Variants in R3HDM1 observed in about 807,000 individuals in gnomAD.
The protein encoded by R3HDM1 is R3H domain-containing protein 1.
R3HDM1 carries 46 observed loss-of-function variants against 141.1 expected under a neutral mutation model. The ratio of observed to expected loss-of-function variants is 0.33; its 90% CI spans 0.26 to 0.42. The LOEUF (loss-of-function observed/expected upper bound fraction) is 0.42, where lower values mean the gene tolerates loss of function less well. Ranked by LOEUF, R3HDM1 falls within the 10% of genes least tolerant of loss-of-function variation. The probability of loss-of-function intolerance (pLI) is 1.00; values close to 1 mark genes in which losing one functional copy is unlikely to be tolerated. For synonymous variants in R3HDM1, 435 were observed against 472.9 expected, an observed-to-expected ratio of 0.92 and a Z score of 1.04; for missense variants, 1,184 against 1,368.3, an observed-to-expected ratio of 0.87 and a Z score of 2.12.
chr2:135,573,175 C>T (rs1170618796), intron 1 of R3HDM1, among the ~76,000 whole-genome samples: 1 of 152,034 alleles, frequency 6.6e-6, no homozygotes, highest in East Asian at 1.9e-4. Context: ...TAAGCTGTTA[C>T]CAAAAGAAAA....
intron 1 of R3HDM1, among the ~76,000 whole-genome samples, chr2:135,547,875 G>A (rs1401420986): frequency 6.8e-6 from 1 of 147,398 alleles, no homozygotes; most frequent in African/African-American, 2.5e-5. Context: ...CCAGGTTCAA[G>A]TGATTCTCCT....
Position 135,704,929 on chromosome 2 carries a change from G to A in R3HDM1, c.2460-4504G>A, listed in dbSNP as rs138133202. On this transcript the variant is annotated intron_variant, in intron 21 of 26. Transcript: ENST00000683871. ...TACCCTATTGCAGAACATTTAGGTC[G>A]TATCTTTTTACTTTATTGAACCATC... is the stretch of plus-strand genomic sequence containing the variant. 6.4e-3 allele frequency among the ~76,000 whole-genome samples: 971 copies of A among 152,070 alleles called. 5 individuals are homozygous for A. The highest frequency in any genetic ancestry group is 0.01 in the South Asian group (50 of 4,816).
intron 21 of R3HDM1, among the ~76,000 whole-genome samples, chr2:135,708,905 A>T (rs1347437209): frequency 6.8e-6 from 1 of 146,080 alleles, no homozygotes; most frequent in Non-Finnish European, 1.5e-5. Context: ...GTTGCAGTGA[A>T]CTGAGATCGT....
At chr2:135,595,430 CACT>C (rs1489158079) in intron 1 of R3HDM1, among the ~76,000 whole-genome samples, 1 of 152,196 alleles carries the variant, frequency 6.6e-6, no homozygotes, top group Admixed American at 6.5e-5. Context: ...CTGGAGCCAA[CACT>C]ACCTGAGTTC....
intron 1 of R3HDM1, among the ~76,000 whole-genome samples, chr2:135,533,793 C>T (rs1042932767): frequency 1.3e-5 from 2 of 152,106 alleles, no homozygotes; most frequent in South Asian, 2.1e-4. Flanking sequence ...ACAGGAGAAT[C>T]GCTTGAACCT....
intron 1 of R3HDM1, among the ~76,000 whole-genome samples, chr2:135,580,185 A>T (rs1706469850): frequency 6.6e-6 from 1 of 152,184 alleles, no homozygotes; most frequent in Non-Finnish European, 1.5e-5. Context: ...CAGGAGGTGG[A>T]GGTTGCAGTG....
chr2:135,648,145 T>G (rs1235158134), intron 16 of R3HDM1, among the ~76,000 whole-genome samples: 3 of 152,210 alleles, frequency 2.0e-5, no homozygotes, highest in Non-Finnish European at 2.9e-5. Flanking sequence ...ATATGTACTA[T>G]CATCTGTTAG....
At position 135,541,866 on chromosome 2, in the gene R3HDM1, AAAAAAG is replaced by A. The variant is rs1370963749; in HGVS notation, c.-250+10237_-250+10242del. Among the ~76,000 whole-genome samples the A allele has an allele frequency of 7.0e-3, 1,055 of 150,170 alleles. 10 individuals carry two copies. Among genetic ancestry groups the A allele is most frequent in the African/African-American group, 0.024 (983 of 40,626 alleles). Reference sequence around the variant, plus strand: ...TTCAATTTGTTAAAAAAAAAAAAAAAAAAAAGAAAGAAAGAAAGAGAAAAGCAATGT... The same window carrying A: ...TTCAATTTGTTAAAAAAAAAAAAAAAAAAGAAAGAAAGAGAAAAGCAATGT... On this transcript the variant is annotated intron_variant, in intron 1 of 26. Coordinates refer to ENST00000683871, the MANE Select transcript of R3HDM1 (RefSeq NM_001378107.1).
At chr2:135,665,699 T>C (rs551027183) in intron 19 of R3HDM1, among the ~76,000 whole-genome samples, 29 of 152,356 alleles carry the variant, frequency 1.9e-4, no homozygotes, top group African/African-American at 5.8e-4. Context: ...AAAGTAGATT[T>C]GGATGACAAA....
At chr2:135,635,264 C>G (rs762444261) in intron 9 of R3HDM1, among the ~76,000 whole-genome samples, 12 of 152,120 alleles carry the variant, frequency 7.9e-5, no homozygotes, top group Admixed American at 3.9e-4. Context: ...AAACTAGGTA[C>G]CATAGGAGTA....
At chr2:135,698,130 G>A (rs934827692) in intron 21 of R3HDM1, among the ~76,000 whole-genome samples, 10 of 150,272 alleles carry the variant, frequency 6.7e-5, no homozygotes, top group East Asian at 2.0e-4. Flanking sequence ...TGCATGAGAC[G>A]GGAAGGCAGG....
chr2:135,640,964 T>G (rs1041957276), intron 14 of R3HDM1, among the ~76,000 whole-genome samples: 1 of 152,220 alleles, frequency 6.6e-6, no homozygotes, highest in Non-Finnish European at 1.5e-5. Context: ...GTCCCTTGAT[T>G]AGATAAAATA....
intron 19 of R3HDM1, among the ~76,000 whole-genome samples, chr2:135,674,537 A>G (rs1463372679): frequency 6.6e-6 from 1 of 152,196 alleles, no homozygotes; most frequent in Non-Finnish European, 1.5e-5. Flanking sequence ...GGATCAGGAG[A>G]CAAAATACAA....
rs762563142 is a variant in R3HDM1, at chr2:135,680,324, G to A, written c.2459G>A (p.Ser820Asn). The change falls in exon 21 of 27, where the codon AGC becomes AAC. Residue 820 changes from serine (S) to asparagine (N), a missense_variant and splice_region_variant. Ser to Asn is a conservative substitution (Grantham distance 46). This residue lies in a region of R3HDM1 where 563 missense variants were observed against 562.0 expected (regional missense o/e 1.00). Coordinates refer to ENST00000683871, the MANE Select transcript of R3HDM1 (RefSeq NM_001378107.1). ...CCACCTGGTCAACAAAACAATTTAA[G>A]GTGAGTATGACTGAGTAACCTAATC... ...VIPPGQQNNL[S>N]SSVGYLQHPG... The A allele has an allele frequency of 6.2e-7, 1 of 1,613,744 alleles. No individual in the cohort carries two copies. The highest frequency in any genetic ancestry group is 8.5e-7 in the Non-Finnish European group (1 of 1,179,794).
At chr2:135,570,904 G>A (rs1414654633) in intron 1 of R3HDM1, among the ~76,000 whole-genome samples, 1 of 152,180 alleles carries the variant, frequency 6.6e-6, no homozygotes. Flanking sequence ...TTTTCAACGT[G>A]TGTGTTGTAG....
chr2:135,608,752 C>A (rs2060283955), intron 3 of R3HDM1, among the ~76,000 whole-genome samples: 2 of 152,216 alleles, frequency 1.3e-5, no homozygotes, highest in African/African-American at 4.8e-5. Context: ...ATGTATGTAG[C>A]AAATAATGTA....
At chr2:135,667,963 T>G (rs996441935) in intron 19 of R3HDM1, among the ~76,000 whole-genome samples, 1 of 152,200 alleles carries the variant, frequency 6.6e-6, no homozygotes, top group Non-Finnish European at 1.5e-5. Context: ...TCAGAGGAAT[T>G]CATGAGCAAC....
At chr2:135,583,334 A>G (rs1394248681) in intron 1 of R3HDM1, among the ~76,000 whole-genome samples, 2 of 152,086 alleles carry the variant, frequency 1.3e-5, no homozygotes, top group East Asian at 1.9e-4. Context: ...CAGATTAAAT[A>G]TTTTTGGAGA....
intron 3 of R3HDM1, among the ~76,000 whole-genome samples, chr2:135,612,653 T>A (rs2060655043): frequency 1.3e-5 from 2 of 152,230 alleles, no homozygotes; most frequent in African/African-American, 4.8e-5. Flanking sequence ...GGGGACTTTG[T>A]CCCTAAGCCT....
Sources: allele counts gnomAD v4.1 joint callset (sites outside exome capture counted in the v4.1 genomes callset), GRCh38; gene constraint gnomAD v4.1.1; regional missense constraint gnomAD v4.1.1; transcripts MANE v1.5; gene names NCBI Gene and HGNC (gene_info 2026-07-23, HGNC 2026-07-21).